AMPH: variants seen among roughly 807,000 people sequenced by gnomAD.
The protein encoded by AMPH is amphiphysin.
Under a neutral mutation model 99.1 loss-of-function variants are expected in AMPH, and 49 were observed. The ratio of observed to expected loss-of-function variants is 0.49; its 90% CI spans 0.39 to 0.63. AMPH has a LOEUF of 0.63. AMPH is among the 20% of genes least tolerant of loss of function. AMPH has a pLI of 0.00. For synonymous variants in AMPH, 314 were observed against 317.3 expected, an observed-to-expected ratio of 0.99 and a Z score of 0.11; for missense variants, 759 against 863.4, an observed-to-expected ratio of 0.88 and a Z score of 1.52.
chr7:38,595,291 A>T (rs1218065112), intron 1 of AMPH, among the ~76,000 whole-genome samples: 5 of 152,172 alleles, frequency 3.3e-5, no homozygotes, highest in Admixed American at 3.3e-4. Flanking sequence ...TTAGGGGCCC[A>T]GGTACATGGG....
At chr7:38,415,082 T>C (rs529785318) in intron 17 of AMPH, among the ~76,000 whole-genome samples, 5 of 152,138 alleles carry the variant, frequency 3.3e-5, no homozygotes, top group Admixed American at 1.3e-4. Context: ...CCAGTAAAAT[T>C]TGATGTTGTT....
intron 1 of AMPH, among the ~76,000 whole-genome samples, chr7:38,570,622 T>C (rs2129051718): frequency 6.6e-6 from 1 of 152,084 alleles, no homozygotes. Context: ...GTACAGAACA[T>C]AATGATAGTG....
In AMPH at chr7:38,406,731, C is replaced by CTCTCTCTCTCTCTCTCT. The variant is rs1562732477; in HGVS notation, c.1398+11093_1398+11094insAGAGAGAGAGAGAGAGA. 6.9e-4 allele frequency among the ~76,000 whole-genome samples: 56 copies of CTCTCTCTCTCTCTCTCT among 80,578 alleles called. 7 individuals carry two copies. In the East Asian group the frequency reaches 8.7e-3, roughly 13 times the overall value. The allele number at this position is 80,578 out of a possible 152,430, so 52.9% of individuals were successfully genotyped here. ...CTCCTCTCCTCTCTCTCTCCCTTTCCCTCTCTCTCTCTCTCTCTCTCTCTC... is the reference window on the plus strand; with the variant it reads ...CTCCTCTCCTCTCTCTCTCCCTTTCCTCTCTCTCTCTCTCTCTCTCTCTCTCTCTCTCTCTCTCTCTC... On this transcript the variant is annotated intron_variant, in intron 17 of 20. Coordinates refer to ENST00000356264, the MANE Select transcript of AMPH (RefSeq NM_001635.4).
intron 1 of AMPH, among the ~76,000 whole-genome samples, chr7:38,631,045 G>A (rs1442805425): frequency 2.6e-5 from 4 of 152,130 alleles, no homozygotes; most frequent in Non-Finnish European, 5.9e-5. Context: ...GCGTCTCCGG[G>A]GCCAGGGTCT....
chr7:38,587,179 AT>A (rs979875008), intron 1 of AMPH, among the ~76,000 whole-genome samples: 2 of 152,162 alleles, frequency 1.3e-5, no homozygotes, highest in African/African-American at 4.8e-5. Context: ...GAATAAACAA[AT>A]CAAGGAGCTG....
intron 2 of AMPH, among the ~76,000 whole-genome samples, chr7:38,527,855 T>C (rs773310902): frequency 1.1e-4 from 16 of 152,328 alleles, no homozygotes; most frequent in South Asian, 2.1e-4. Flanking sequence ...TTACCATTAA[T>C]TATGATATTA....
intron 1 of AMPH, among the ~76,000 whole-genome samples, chr7:38,535,946 G>C (rs1032969639): frequency 6.6e-6 from 1 of 152,010 alleles, no homozygotes; most frequent in African/African-American, 2.4e-5. Flanking sequence ...TACTTCATAG[G>C]GACAGTATTA....
intron 11 of AMPH, among the ~76,000 whole-genome samples, chr7:38,457,068 C>T (rs1231227431): frequency 6.6e-6 from 1 of 152,186 alleles, no homozygotes; most frequent in Non-Finnish European, 1.5e-5. Context: ...TCCGACCCAA[C>T]CAACAACATA....
chr7:38,587,476 C>A (rs1405240452), intron 1 of AMPH, among the ~76,000 whole-genome samples: 1 of 152,112 alleles, frequency 6.6e-6, no homozygotes, highest in Non-Finnish European at 1.5e-5. Flanking sequence ...ACATTTTGTA[C>A]TGAAATCACC....
chr7:38,620,178 A>G (rs1158259149), intron 1 of AMPH, among the ~76,000 whole-genome samples: 3 of 152,136 alleles, frequency 2.0e-5, no homozygotes, highest in African/African-American at 7.2e-5. Flanking sequence ...GTCCAAGACC[A>G]CTGCCTGCAA....
chr7:38,620,232 T>C (rs1417311445), intron 1 of AMPH, among the ~76,000 whole-genome samples: 2 of 150,576 alleles, frequency 1.3e-5, no homozygotes, highest in African/African-American at 5.0e-5. Flanking sequence ...TTGCCAGCCT[T>C]AATTATATTT....
intron 2 of AMPH, among the ~76,000 whole-genome samples, chr7:38,510,216 T>C (rs1789487641): frequency 6.6e-6 from 1 of 152,174 alleles, no homozygotes; most frequent in Non-Finnish European, 1.5e-5. Context: ...ACCTTCTTGC[T>C]GTGTCCTCGT....
intron 2 of AMPH, among the ~76,000 whole-genome samples, chr7:38,514,356 A>G (rs1412838833): frequency 1.3e-5 from 2 of 152,234 alleles, no homozygotes; most frequent in Admixed American, 6.5e-5. Context: ...AACTTCCTTA[A>G]AAGTTAATAC....
chr7:38,417,127 G>A (rs540115132), intron 17 of AMPH, among the ~76,000 whole-genome samples: 4 of 152,168 alleles, frequency 2.6e-5, no homozygotes, highest in African/African-American at 9.6e-5. Flanking sequence ...TGGGTATTTG[G>A]TACTCTACAC....
intron 17 of AMPH, among the ~76,000 whole-genome samples, chr7:38,411,295 C>G (rs1427013350): frequency 6.6e-6 from 1 of 152,214 alleles, no homozygotes; most frequent in African/African-American, 2.4e-5. Context: ...TCACCTTACT[C>G]TCTTTGATCA....
chr7:38,587,953 C>T (rs866409181), intron 1 of AMPH, among the ~76,000 whole-genome samples: 10 of 139,196 alleles, frequency 7.2e-5, no homozygotes, highest in South Asian at 2.4e-4. Context: ...TGTGTGTGCG[C>T]GTGTGTGTGT....
intron 17 of AMPH, among the ~76,000 whole-genome samples, chr7:38,398,139 G>A (rs1392404952): frequency 7.7e-6 from 1 of 130,616 alleles, no homozygotes; most frequent in Non-Finnish European, 1.6e-5. Context: ...ACTAAAAGTA[G>A]AGATACCATA....
chr7:38,390,961 CAGAGAGAGAGAGAGAGAGAGAGAGAG>C (rs199667568), intron 19 of AMPH, among the ~76,000 whole-genome samples: 1,388 of 129,312 alleles, frequency 0.011, 25 homozygotes, highest in African/African-American at 0.035. Flanking sequence ...GAGACAAAGA[CAGAGAGAGAGAGAGAGAGAGAGAGAG>C]AGAGAGAGAG....
chr7:38,533,815 T>C (rs951486452), intron 2 of AMPH, among the ~76,000 whole-genome samples: 4 of 152,134 alleles, frequency 2.6e-5, no homozygotes, highest in African/African-American at 9.7e-5. Flanking sequence ...GCCTTCTTCC[T>C]ACCCCACCTC....
Sources: gnomAD v4.1 joint callset for allele counts (sites outside exome capture counted in the v4.1 genomes callset) on GRCh38, gnomAD v4.1.1 for gene constraint, MANE v1.5 for transcripts, NCBI Gene and HGNC (gene_info 2026-07-23, HGNC 2026-07-21) for gene names.